The following GRIA4 variants were observed in gnomAD, a reference collection of about 807,000 sequenced individuals.
GRIA4 encodes glutamate receptor 4.
A neutral mutation model predicts 104.0 loss-of-function variants in GRIA4; 34 were observed. The observed-to-expected ratio is 0.33, with a 90% CI of 0.25 to 0.44. The LOEUF is 0.44. GRIA4 is among the 20% of genes least tolerant of loss of function. The pLI is 1.00. For synonymous variants in GRIA4, 386 were observed against 381.9 expected (o/e 1.01, Z -0.13); for missense variants, 750 against 1,096.5 (o/e 0.68, Z 4.46).
intron 11 of GRIA4, among the ~76,000 whole-genome samples, chr11:105,922,868 C>T (rs946298246): frequency 6.6e-6 from 1 of 152,160 alleles, no homozygotes; most frequent in Admixed American, 6.6e-5. Context: ...ACAGCTAGTT[C>T]ACATATCACT....
At chr11:105,721,960 C>T (rs180973357) in intron 3 of GRIA4, among the ~76,000 whole-genome samples, 162 of 152,196 alleles carry the variant, frequency 1.1e-3, no homozygotes, top group South Asian at 1.7e-3. Flanking sequence ...GTAAATCTAA[C>T]GCAAGCTGGA....
At chr11:105,637,476 A>T (rs1420538628) in intron 3 of GRIA4, among the ~76,000 whole-genome samples, 1 of 152,166 alleles carries the variant, frequency 6.6e-6, no homozygotes, top group Non-Finnish European at 1.5e-5. Flanking sequence ...TTTTGTAAAT[A>T]TTCACTGAGT....
chr11:105,780,813 G>T lies in GRIA4; in HGVS notation c.487+27593G>T, dbSNP rs577561933. ...ATGCACTTTAGTCTGCAGGGAACTT[G>T]GCACACTCCAAACACGAACACTTCT... On this transcript the variant is annotated intron_variant, in intron 4 of 16. Coordinates refer to ENST00000282499, the MANE Select transcript of GRIA4 (RefSeq NM_000829.4). Among the ~76,000 whole-genome samples, 61 of 152,182 alleles carry T rather than the reference G, an allele frequency of 4.0e-4. 3 individuals are homozygous for T. In the South Asian group the frequency reaches 8.9e-3, roughly 22 times the overall value.
In GRIA4 at chr11:105,794,469, GTATGTATATATATATATATATA is replaced by G. The variant is rs1942373862; in HGVS notation, c.487+41253_487+41274del. Among the ~76,000 whole-genome samples, 23 of 40,776 alleles carry G rather than the reference GTATGTATATATATATATATATA, an allele frequency of 5.6e-4. 1 individual carries two copies. The highest frequency in any genetic ancestry group is 9.3e-4 in the Admixed American group (3 of 3,216). 26.8% of individuals were successfully genotyped at this position (40,776 alleles called of 152,430 possible). Reference sequence around the variant, plus strand: ...TGTGTGTGTCTGTGTGTGTGTATATGTATGTATATATATATATATATATATATATATATATATATATATACAT... The same window carrying G: ...TGTGTGTGTCTGTGTGTGTGTATATGTATATATATATATATATATATACAT... On this transcript the variant is annotated intron_variant, in intron 4 of 16. Coordinates refer to ENST00000282499, the MANE Select transcript of GRIA4 (RefSeq NM_000829.4).
At chr11:105,692,983 T>C (rs1471651153) in intron 3 of GRIA4, among the ~76,000 whole-genome samples, 3 of 152,216 alleles carry the variant, frequency 2.0e-5, no homozygotes, top group Admixed American at 2.0e-4. Flanking sequence ...AGTCATCATA[T>C]TCTGCTATTA....
At chr11:105,974,516 A>G in intron 16 of GRIA4, 72 bp downstream of exon 16, 1 of 1,613,820 alleles carries the variant, frequency 6.2e-7, no homozygotes, top group East Asian at 2.2e-5. Flanking sequence ...CCTATAGAGA[A>G]GGTTACAACG....
At chr11:105,959,653 G>A (rs914476257) in intron 14 of GRIA4, among the ~76,000 whole-genome samples, 1 of 152,162 alleles carries the variant, frequency 6.6e-6, no homozygotes, top group Non-Finnish European at 1.5e-5. Context: ...ATGGAGAGAC[G>A]TTGTGATCAT....
chr11:105,979,964 T>C lies in GRIA4; in HGVS notation c.*225T>C, dbSNP rs1055820388. ...ATATCAGGAAAACTCACAATTGAGG[T>C]TTTTTTCGGGGAGTGGGTGGGGGAG... On this transcript the variant is annotated 3_prime_UTR_variant, in exon 17 of 17. Coordinates refer to ENST00000282499, the MANE Select transcript of GRIA4 (RefSeq NM_000829.4). 16 of 439,772 alleles carry C rather than the reference T, an allele frequency of 3.6e-5. No homozygotes were observed. The highest frequency in any genetic ancestry group is 6.2e-5 in the Non-Finnish European group (15 of 242,134). 27.2% of individuals were successfully genotyped at this position (439,772 alleles called of 1,614,324 possible).
intron 4 of GRIA4, among the ~76,000 whole-genome samples, chr11:105,781,637 T>A (rs1941732092): frequency 6.6e-6 from 1 of 152,266 alleles, no homozygotes; most frequent in East Asian, 1.9e-4. Context: ...ATTTACCTCA[T>A]TGGTATTCGT....
intron 3 of GRIA4, among the ~76,000 whole-genome samples, chr11:105,684,421 C>T (rs1439043858): frequency 6.6e-6 from 1 of 151,678 alleles, no homozygotes; most frequent in African/African-American, 2.4e-5. Flanking sequence ...AGTCTGATTT[C>T]ATTTCAATTG....
chr11:105,674,533 A>AGTCACTGT (rs1336179440), intron 3 of GRIA4, among the ~76,000 whole-genome samples: 5 of 151,906 alleles, frequency 3.3e-5, no homozygotes, highest in African/African-American at 9.7e-5. Flanking sequence ...AGTATAATGC[A>AGTCACTGT]GTCACTGAAA....
chr11:105,671,492 CATGGTG>C (rs1436233174), intron 3 of GRIA4, among the ~76,000 whole-genome samples: 2 of 151,284 alleles, frequency 1.3e-5, no homozygotes, highest in African/African-American at 4.9e-5. Context: ...GCCTGGCCAA[CATGGTG>C]AAATCCCGTC....
At chr11:105,937,003 C>T (rs905613405) in intron 14 of GRIA4, among the ~76,000 whole-genome samples, 1 of 152,104 alleles carries the variant, frequency 6.6e-6, no homozygotes, top group Admixed American at 6.6e-5. Context: ...TCTCAAGTGA[C>T]AGAACAATTC....
intron 3 of GRIA4, among the ~76,000 whole-genome samples, chr11:105,673,804 T>C (rs1324229936): frequency 1.3e-5 from 2 of 151,944 alleles, no homozygotes; most frequent in Non-Finnish European, 2.9e-5. Context: ...AAATAAATAT[T>C]TAAAACACAA....
chr11:105,737,229 C>A lies in GRIA4; in HGVS notation c.248-15752C>A, dbSNP rs77756983. 1.5e-3 allele frequency among the ~76,000 whole-genome samples: 228 copies of A among 151,950 alleles called. 4 individuals are homozygous for A. The East Asian group carries it at 0.032, about 21-fold the overall frequency. The stretch of plus-strand genomic sequence containing the variant: ...TCGTGTTGTCCTTCTTGGTGTACAG[C>A]CCAAATGTTTGAAAATTGTTTTTGA... On this transcript the variant is annotated intron_variant, in intron 3 of 16. Transcript: ENST00000282499.
At chr11:105,909,167 A>G (rs1276687116) in intron 9 of GRIA4, among the ~76,000 whole-genome samples, 1 of 152,158 alleles carries the variant, frequency 6.6e-6, no homozygotes, top group Non-Finnish European at 1.5e-5. Flanking sequence ...TGAATTATAT[A>G]TGCAACACTT....
chr11:105,809,527 T>C (rs572916870), intron 4 of GRIA4, among the ~76,000 whole-genome samples: 31 of 152,252 alleles, frequency 2.0e-4, no homozygotes, highest in Non-Finnish European at 4.0e-4. Context: ...AATCCCCACG[T>C]GTTGAGGGAG....
chr11:105,752,345 C>T (rs972807456), intron 3 of GRIA4, among the ~76,000 whole-genome samples: 4 of 152,080 alleles, frequency 2.6e-5, no homozygotes, highest in African/African-American at 4.8e-5. Flanking sequence ...ATTCATTAAG[C>T]CTCTCAGATA....
chr11:105,768,637 G>A (rs1349838057), intron 4 of GRIA4, among the ~76,000 whole-genome samples: 2 of 151,950 alleles, frequency 1.3e-5, no homozygotes, highest in Admixed American at 6.6e-5. Context: ...AATGAGTGAC[G>A]TTTTGGGGAA....
Sources: allele counts gnomAD v4.1 joint callset (sites outside exome capture counted in the v4.1 genomes callset), GRCh38; gene constraint gnomAD v4.1.1; transcripts MANE v1.5; gene names NCBI Gene and HGNC (gene_info 2026-07-23, HGNC 2026-07-21).